FRMPD1: variants seen among roughly 807,000 people sequenced by gnomAD.
The protein encoded by FRMPD1 is FERM and PDZ domain-containing protein 1.
In FRMPD1, 76 loss-of-function variants were observed where a neutral mutation model predicts 117.8. That is an observed-to-expected ratio of 0.65 (90% CI 0.54 to 0.78). The LOEUF is 0.78. Ranked by LOEUF, FRMPD1 falls within the 30% of genes least tolerant of loss-of-function variation. FRMPD1 has a pLI of 0.00. For synonymous variants in FRMPD1, 783 were observed against 770.4 expected, an observed-to-expected ratio of 1.02 and a Z score of -0.27; for missense variants, 1,786 against 1,964.5, an observed-to-expected ratio of 0.91 and a Z score of 1.72.
intron 5 of FRMPD1, among the ~76,000 whole-genome samples, chr9:37,717,831 T>TTA (rs957888881): frequency 6.6e-6 from 1 of 152,188 alleles, no homozygotes. Context: ...CTGTTACATA[T>TTA]TATAGGTCCA....
intron 1 of FRMPD1, among the ~76,000 whole-genome samples, chr9:37,681,596 T>C (rs934970626): frequency 1.3e-5 from 2 of 152,236 alleles, no homozygotes; most frequent in African/African-American, 4.8e-5. Flanking sequence ...CATCAAATGA[T>C]TGACATTGGA....
At chr9:37,604,695 A>G in the FRMPD1 span, among the ~76,000 whole-genome samples, 2 of 152,358 alleles carry the variant, frequency 1.3e-5, no homozygotes, top group African/African-American at 4.8e-5. Flanking sequence ...ACAAGGCACC[A>G]GCCAAATGTT....
rs570025423 is a variant in FRMPD1 at position 37,700,103 on chromosome 9, A to G, written c.102-7313A>G. Among the ~76,000 whole-genome samples the G allele has an allele frequency of 3.3e-5, 5 of 152,298 alleles. 1 individual carries two copies. Among genetic ancestry groups the G allele is most frequent in the African/African-American group, 1.2e-4 (5 of 41,564 alleles). ...ATTAATGGTGTAGAAAGACCCTTTT[A>G]GGCAACAATTTTTTTTTATTGTGTC... On this transcript the variant is annotated intron_variant, in intron 2 of 15. Transcript: ENST00000377765.
chr9:37,634,949 C>T, the FRMPD1 span, among the ~76,000 whole-genome samples: 1 of 151,770 alleles, frequency 6.6e-6, no homozygotes, highest in South Asian at 2.1e-4. Context: ...TCTTATTGTT[C>T]TGGAGATTTT....
At chr9:37,639,364 G>T in the FRMPD1 span, among the ~76,000 whole-genome samples, 1 of 152,028 alleles carries the variant, frequency 6.6e-6, no homozygotes, top group Non-Finnish European at 1.5e-5. Flanking sequence ...GTAGATTCTG[G>T]GTGTCGCCAT....
chr9:37,746,610 T>TGTG lies in FRMPD1; in HGVS notation c.4582_4584dup (p.Val1528dup). 6.2e-7 allele frequency: 1 copy of TGTG among 1,614,004 alleles called. No individual in the cohort carries two copies. On this transcript the variant is annotated inframe_insertion, in exon 16 of 16. Coordinates refer to ENST00000377765, the MANE Select transcript of FRMPD1 (RefSeq NM_014907.3). ...GGGAGGCAGCGGGGAACCTGAGGGA[T>TGTG]GTGGTGTACACCTACCATCAGTTTA...
chr9:37,612,712 G>A, the FRMPD1 span, among the ~76,000 whole-genome samples: 2 of 152,102 alleles, frequency 1.3e-5, no homozygotes, highest in Non-Finnish European at 2.9e-5. Flanking sequence ...GGCTGGTCTC[G>A]AACTCCTGAC....
intron 8 of FRMPD1, 91 bp downstream of exon 8, chr9:37,729,944 T>C (rs1027149459): frequency 3.6e-5 from 49 of 1,361,060 alleles, no homozygotes; most frequent in Non-Finnish European, 4.2e-5. Flanking sequence ...GCTCAGCACA[T>C]CTGCAGGTTT....
the FRMPD1 span, among the ~76,000 whole-genome samples, chr9:37,611,772 A>G: frequency 7.2e-5 from 11 of 152,196 alleles, no homozygotes; most frequent in African/African-American, 2.7e-4. Flanking sequence ...TTTTTGACAT[A>G]CCTTAGTGCA....
At chr9:37,671,191 T>A (rs985351093) in intron 1 of FRMPD1, among the ~76,000 whole-genome samples, 1 of 152,232 alleles carries the variant, frequency 6.6e-6, no homozygotes, top group Non-Finnish European at 1.5e-5. Flanking sequence ...CTACTCAGCC[T>A]CCAGAGCTGT....
chr9:37,728,962 CA>C (rs34287255), intron 7 of FRMPD1, among the ~76,000 whole-genome samples: 52,108 of 109,408 alleles, frequency 0.48, 9,693 homozygotes, highest in South Asian at 0.57. Context: ...GATTCCGTCT[CA>C]AAAAAAAAAA....
chr9:37,712,284 AT>A lies in FRMPD1; in HGVS notation c.408+891del, dbSNP rs560216062. 5.0e-3 allele frequency among the ~76,000 whole-genome samples: 758 copies of A among 152,362 alleles called. 10 individuals carry two copies. The highest frequency in any genetic ancestry group is 0.01 in the Middle Eastern group (3 of 294). ...TAAAAATGTAATTTCCTAAGTAAAG[AT>A]TGAGTCAAATAGAAAAAGAAAAACT... is the stretch of plus-strand genomic sequence containing the variant. On this transcript the variant is annotated intron_variant, in intron 5 of 15. Transcript: ENST00000377765.
At chr9:37,626,079 C>T in the FRMPD1 span, among the ~76,000 whole-genome samples, 2 of 152,016 alleles carry the variant, frequency 1.3e-5, no homozygotes, top group African/African-American at 4.8e-5. Flanking sequence ...GTAATCTCAG[C>T]ACTTTAAGAG....
chr9:37,614,996 T>C, the FRMPD1 span, among the ~76,000 whole-genome samples: 1 of 152,246 alleles, frequency 6.6e-6, no homozygotes, highest in Non-Finnish European at 1.5e-5. Context: ...ACCTCTATAA[T>C]AGGGAGATAC....
chr9:37,744,574 T>C lies in FRMPD1; in HGVS notation c.2542T>C (p.Ser848Pro), dbSNP rs1356161289. ...GTCTTTCCTACAGACCGACTACACC[T>C]CTCAGGTCTCATTTCCCCTGGTGCC... Reference protein sequence around the residue: ...RRSFLQTDYTSQVSFPLVPSA... With the variant: ...RRSFLQTDYTPQVSFPLVPSA... The change falls in exon 16 of 16, where the codon TCT becomes CCT. Residue 848 changes from serine (S) to proline (P), a missense_variant. Physicochemically the swap from Ser to Pro is moderately conservative, Grantham distance 74. Coordinates refer to ENST00000377765, the MANE Select transcript of FRMPD1 (RefSeq NM_014907.3). 2 of 1,614,068 alleles carry C rather than the reference T, an allele frequency of 1.2e-6. No individual in the cohort carries two copies. The highest frequency in any genetic ancestry group is 8.5e-7 in the Non-Finnish European group (1 of 1,179,966).
chr9:37,735,491 A>T lies in FRMPD1; in HGVS notation c.1219-61A>T, dbSNP rs530741802. 1.4e-4 allele frequency: 176 copies of T among 1,250,618 alleles called. 6 individuals carry two copies. The South Asian group carries it at 2.2e-3, about 16-fold the overall frequency. 77.5% of individuals were successfully genotyped at this position (1,250,618 alleles called of 1,614,324 possible). A position where few individuals can be genotyped will look rare whatever the true frequency, so the allele number is the denominator to read the frequency against. On this transcript the variant is annotated intron_variant, in intron 12 of 15. Coordinates refer to ENST00000377765, the MANE Select transcript of FRMPD1 (RefSeq NM_014907.3). ...TGCAGCGAGAGGTATTATTGCTTAC[A>T]TGTGAAATGTATTTTCACTCGCTTG...
At chr9:37,629,833 G>C in the FRMPD1 span, among the ~76,000 whole-genome samples, 1 of 152,174 alleles carries the variant, frequency 6.6e-6, no homozygotes, top group Non-Finnish European at 1.5e-5. Context: ...GCAACTTACT[G>C]TCTTAGTTTT....
rs1171130350 is a variant in FRMPD1, at chr9:37,745,382, C to G, written c.3350C>G (p.Thr1117Arg). 1.2e-6 allele frequency: 2 copies of G among 1,613,966 alleles called. No homozygotes were observed. The highest frequency in any genetic ancestry group is 1.7e-6 in the Non-Finnish European group (2 of 1,179,962). The change falls in exon 16 of 16, where the codon ACA becomes AGA. Residue 1117 changes from threonine to arginine, a missense_variant. Thr to Arg is a moderately conservative substitution (Grantham distance 71). Transcript: ENST00000377765. Reference protein sequence around the residue: ...QLSLERDREVTNKNGTNVFQE... With the variant: ...QLSLERDREVRNKNGTNVFQE... ...TCTCTGGAAAGAGACAGAGAAGTTA[C>G]AAACAAAAATGGCACCAACGTATTT...
At chr9:37,671,570 C>A (rs1228646687) in intron 1 of FRMPD1, among the ~76,000 whole-genome samples, 1 of 152,080 alleles carries the variant, frequency 6.6e-6, no homozygotes, top group East Asian at 1.9e-4. Context: ...AGTAAATAGT[C>A]AAATATAGTC....
Sources: allele counts gnomAD v4.1 joint callset (sites outside exome capture counted in the v4.1 genomes callset), GRCh38; gene constraint gnomAD v4.1.1; transcripts MANE v1.5; gene names NCBI Gene and HGNC (gene_info 2026-07-23, HGNC 2026-07-21).